The following BBS9 variants were observed in gnomAD, a reference collection of about 807,000 sequenced individuals.
BBS9 encodes the protein Bardet-Biedl syndrome 9.
BBS9 carries 89 observed loss-of-function variants against 117.7 expected under a neutral mutation model. The observed-to-expected ratio is 0.76, with a 90% confidence interval of 0.64 to 0.90. The LOEUF is 0.90. BBS9 is among the 40% of genes least tolerant of loss of function. BBS9 has a pLI of 0.00. For missense variants in BBS9, 982 were observed against 1,042.2 expected (o/e 0.94, Z 0.80); for synonymous variants, 379 against 370.9 (o/e 1.02, Z -0.25).
At chr7:33,329,537 A>G (rs1813550232) in intron 9 of BBS9, among the ~76,000 whole-genome samples, 1 of 152,130 alleles carries the variant, frequency 6.6e-6, no homozygotes, top group Non-Finnish European at 1.5e-5. Flanking sequence ...ATGATTTTTA[A>G]TGGTTTCTAG....
chr7:33,228,551 A>T (rs1562837253), intron 5 of BBS9, among the ~76,000 whole-genome samples: 1 of 152,138 alleles, frequency 6.6e-6, no homozygotes, highest in Non-Finnish European at 1.5e-5. Flanking sequence ...ATATCCACGT[A>T]TAACTTTTGA....
At chr7:33,315,894 A>G (rs1045526624) in intron 9 of BBS9, among the ~76,000 whole-genome samples, 4 of 152,158 alleles carry the variant, frequency 2.6e-5, no homozygotes, top group Non-Finnish European at 5.9e-5. Context: ...CTAAGCTTAA[A>G]CAATTATCAA....
At chr7:33,563,494 A>G (rs1210182340) in intron 21 of BBS9, among the ~76,000 whole-genome samples, 3 of 152,204 alleles carry the variant, frequency 2.0e-5, no homozygotes, top group Admixed American at 2.0e-4. Flanking sequence ...CTGATCCGAA[A>G]TAAGGACATT....
At position 33,314,295 on chromosome 7, in the gene BBS9, C is replaced by T. The variant is rs1235927506; in HGVS notation, c.1017-22146C>T. The T allele has an allele frequency of 7.1e-6, 3 of 419,636 alleles. No individual in the cohort carries two copies. In the East Asian group the frequency reaches 2.2e-4, roughly 31 times the overall value. The allele number at this position is 419,636 out of a possible 1,614,324, so 26.0% of individuals were successfully genotyped here. ...TGGAAGCATTTGTTGCCTCGATCTT[C>T]CACTTTAGAAAAATGAAGTTTCTCC... On this transcript the variant is annotated intron_variant, in intron 9 of 22. Transcript: ENST00000242067.
Position 33,624,445 on chromosome 7 carries a change from C to T in BBS9, c.2522-10732C>T, listed in dbSNP as rs537779951. ...TCTGAGCTAACAATCCCATCTGTAT[C>T]TCCTCATCCTGTAAACATTCTGTTT... On this transcript the variant is annotated intron_variant, in intron 21 of 21. Coordinates refer to the BBS9 transcript ENST00000671952. Among the ~76,000 whole-genome samples, 4 of 152,264 alleles carry T rather than the reference C, an allele frequency of 2.6e-5. No homozygotes were observed. In the South Asian group the frequency reaches 6.2e-4, roughly 24 times the overall value.
At chr7:33,428,801 T>G (rs1833999786) in intron 19 of BBS9, among the ~76,000 whole-genome samples, 1 of 152,230 alleles carries the variant, frequency 6.6e-6, no homozygotes. Context: ...ACATAATTGT[T>G]TAATTAGCCT....
intron 5 of BBS9, among the ~76,000 whole-genome samples, chr7:33,235,239 C>CT (rs1562850597): frequency 6.6e-6 from 1 of 152,010 alleles, no homozygotes. Context: ...CTTCCTCTTT[C>CT]TTTTTTTATG....
intron 21 of BBS9, among the ~76,000 whole-genome samples, chr7:33,557,338 C>T (rs1389370624): frequency 6.6e-6 from 1 of 152,134 alleles, no homozygotes; most frequent in Non-Finnish European, 1.5e-5. Flanking sequence ...GCTAGAAGGT[C>T]ATCATCATTA....
intron 9 of BBS9, among the ~76,000 whole-genome samples, chr7:33,293,005 C>CAA (rs113240543): frequency 0.01 from 1,130 of 109,724 alleles, 4 homozygotes; most frequent in African/African-American, 0.018. Context: ...GACTCCGTCT[C>CAA]AAAAAAAAAA....
chr7:33,534,889 T>C (rs1851136219), intron 21 of BBS9, among the ~76,000 whole-genome samples: 1 of 152,162 alleles, frequency 6.6e-6, no homozygotes, highest in Admixed American at 6.6e-5. Context: ...ATGAATTAAT[T>C]GATGCAGCAG....
intron 1 of BBS9, among the ~76,000 whole-genome samples, chr7:33,144,912 A>G (rs1792092920): frequency 6.6e-6 from 1 of 152,246 alleles, no homozygotes; most frequent in Non-Finnish European, 1.5e-5. Context: ...ATGTAATCCC[A>G]TCATAAATTG....
At chr7:33,583,283 T>C (rs1860310368) in intron 21 of BBS9, among the ~76,000 whole-genome samples, 1 of 152,080 alleles carries the variant, frequency 6.6e-6, no homozygotes, top group Non-Finnish European at 1.5e-5. Context: ...TTGATATTGT[T>C]GCATCAGCTT....
At chr7:33,232,571 C>T (rs747023632) in intron 5 of BBS9, among the ~76,000 whole-genome samples, 9 of 151,670 alleles carry the variant, frequency 5.9e-5, no homozygotes, top group Non-Finnish European at 1.0e-4. Context: ...TTTTTACTTC[C>T]TTAGGTTTGT....
At chr7:33,224,255 A>G (rs1790818985) in intron 5 of BBS9, among the ~76,000 whole-genome samples, 1 of 152,212 alleles carries the variant, frequency 6.6e-6, no homozygotes, top group Admixed American at 6.5e-5. Flanking sequence ...CATTTTGCAG[A>G]TAAGGATACT....
chr7:33,135,219 C>T (rs1179207511), intron 1 of BBS9, among the ~76,000 whole-genome samples: 1 of 152,128 alleles, frequency 6.6e-6, no homozygotes, highest in African/African-American at 2.4e-5. Context: ...GCTCACGTTT[C>T]TGGTGTCAAA....
At chr7:33,256,249 ATC>A (rs1426737860) in intron 5 of BBS9, among the ~76,000 whole-genome samples, 1 of 152,240 alleles carries the variant, frequency 6.6e-6, no homozygotes, top group Non-Finnish European at 1.5e-5. Flanking sequence ...TTATAAAAGA[ATC>A]TGAGTATTGA....
intron 16 of BBS9, among the ~76,000 whole-genome samples, chr7:33,361,293 A>G (rs899047415): frequency 2.0e-5 from 3 of 152,324 alleles, no homozygotes; most frequent in African/African-American, 4.8e-5. Context: ...ATAAAATGTC[A>G]TTTGATAATA....
intron 5 of BBS9, among the ~76,000 whole-genome samples, chr7:33,205,896 T>C (rs1270130898): frequency 1.3e-5 from 2 of 152,152 alleles, no homozygotes; most frequent in East Asian, 3.8e-4. Context: ...TTTTATTTTG[T>C]AAGTATTTAA....
chr7:33,408,305 G>A (rs1830454826), intron 19 of BBS9, among the ~76,000 whole-genome samples: 2 of 152,274 alleles, frequency 1.3e-5, no homozygotes, highest in Non-Finnish European at 2.9e-5. Context: ...GCAGTATTAG[G>A]GTGGGAGTGG....
Sources: allele counts gnomAD v4.1 joint callset (sites outside exome capture counted in the v4.1 genomes callset), GRCh38; gene constraint gnomAD v4.1.1; transcripts MANE v1.5; gene names NCBI Gene and HGNC (gene_info 2026-07-23, HGNC 2026-07-21).